The following TIGD5 variants were observed in gnomAD, a reference collection of about 807,000 sequenced individuals.
TIGD5 encodes tigger transposable element-derived protein 5.
A neutral mutation model predicts 28.8 loss-of-function variants in TIGD5; 24 were observed. The ratio of observed to expected loss-of-function variants is 0.83; its 90% CI spans 0.60 to 1.17. The LOEUF (loss-of-function observed/expected upper bound fraction) is 1.17. TIGD5 is among the 50% of genes most tolerant of loss of function. The pLI, the probability that TIGD5 is intolerant of heterozygous loss-of-function variation, is 0.00. For synonymous variants in TIGD5, 538 were observed against 430.5 expected (o/e 1.25, Z -3.09); for missense variants, 922 against 911.4 (o/e 1.01, Z -0.15).
rs544801757 is a variant in TIGD5 at position 143,602,225 on chromosome 8, C to T, written c.*2393C>T. ...AAGAGGGCTTAAAAAGCATCTTCTC[C>T]CTAGCACGGGGCATGCTGGCACAGG... is the stretch of plus-strand genomic sequence containing the variant. On this transcript the variant is annotated 3_prime_UTR_variant, in exon 1 of 1. Transcript: ENST00000504548. The T allele has an allele frequency of 6.8e-6, 1 of 147,728 alleles. No homozygotes were observed. Among genetic ancestry groups the T allele is most frequent in the Admixed American group, 6.8e-5 (1 of 14,682 alleles). The allele number at this position is 147,728 out of a possible 1,614,324, so 9.2% of individuals were successfully genotyped here. A position where few individuals can be genotyped will look rare whatever the true frequency, so the allele number is the denominator to read the frequency against.
Position 143,598,035 on chromosome 8 carries a change from C to G in TIGD5, c.132C>G (p.Pro44=). 2.2e-6 allele frequency: 3 copies of G among 1,333,630 alleles called. No homozygotes were observed. Among genetic ancestry groups the G allele is most frequent in the Non-Finnish European group, 2.9e-6 (3 of 1,044,110 alleles). The allele number at this position is 1,333,630 out of a possible 1,614,324, so 82.6% of individuals were successfully genotyped here. Residue 44 remains proline (P), a synonymous_variant, in exon 1 of 1, where the codon CCC becomes CCG. Transcript: ENST00000504548. The surrounding 1 kb of genome is among the most constrained non-coding windows in gnomAD (Gnocchi z 6.6). ...CGCCCCCCGCGCCCGGGCCGCGGCC[C>G]CGCGTGGCCGTGAAGATGGCCTTCC... is the stretch of plus-strand genomic sequence containing the variant. ...RPPPPAPGPR[P]RVAVKMAFRK...
Position 143,599,526 on chromosome 8 carries a change from G to A in TIGD5, c.1623G>A (p.Pro541=), listed in dbSNP as rs772823687. 3 of 1,582,754 alleles carry A rather than the reference G, an allele frequency of 1.9e-6. No individual in the cohort carries two copies. The highest frequency in any genetic ancestry group is 2.3e-5 in the South Asian group (2 of 87,298). ...EWLHLDDDGG[P]PEGCREEVGP... is the part of the protein sequence containing the mutation. ...TGCACCTGGACGATGATGGGGGTCC[G>A]CCCGAGGGCTGCAGGGAGGAGGTGG... The change falls in exon 1 of 1, where the codon CCG becomes CCA. Residue 541 remains proline, a synonymous_variant. Coordinates refer to ENST00000504548, the MANE Select transcript of TIGD5 (RefSeq NM_032862.5).
At position 143,598,980 on chromosome 8, in the gene TIGD5, C is replaced by A. The variant is rs757796094; in HGVS notation, c.1077C>A (p.His359Gln). The A allele has an allele frequency of 1.5e-4, 242 of 1,576,354 alleles. No individual in the cohort carries two copies. The highest frequency in any genetic ancestry group is 2.0e-4 in the Non-Finnish European group (233 of 1,169,876). ...LQQKAVLLVA[H>Q]PPCPSPAASM... ...AGAAGGCCGTGCTGCTGGTGGCCCA[C>A]CCGCCCTGCCCAAGCCCAGCTGCCA... is the stretch of plus-strand genomic sequence containing the variant. Residue 359 changes from histidine to glutamine, a missense_variant, in exon 1 of 1, where the codon CAC (histidine) becomes CAA (glutamine). Around this residue, in one of 3 missense-constraint regions of TIGD5, gnomAD observed 821 missense variants for 815.2 expected, o/e 1.01. Coordinates refer to ENST00000504548, the MANE Select transcript of TIGD5 (RefSeq NM_032862.5). This position sits in a 1 kb window ranked among gnomAD's most constrained non-coding sequence, Gnocchi z 6.6.
rs1829163894 is a variant in TIGD5, at chr8:143,598,714, C to T, written c.811C>T (p.Arg271Trp). 2.0e-6 allele frequency: 3 copies of T among 1,508,330 alleles called. No homozygotes were observed. Among genetic ancestry groups the T allele is most frequent in the African/African-American group, 1.4e-5 (1 of 70,786 alleles). 93.4% of individuals were successfully genotyped at this position (1,508,330 alleles called of 1,614,324 possible). A position where few individuals can be genotyped will look rare whatever the true frequency, so the allele number is the denominator to read the frequency against. ...GGCGGGGGGCTGTGGCCGGCGCTGG[C>T]GGGGCGACCGCGTAACGGTGCTGCT... ...PGAGGCGRRWRGDRVTVLLAA... is the reference protein window; with the variant it reads ...PGAGGCGRRWWGDRVTVLLAA... The change falls in exon 1 of 1, where the codon CGG becomes TGG. Residue 271 changes from arginine (R) to tryptophan (W), a missense_variant. Physicochemically the swap from Arg to Trp is moderately radical, Grantham distance 101. Transcript: ENST00000504548. This position sits in a 1 kb window ranked among gnomAD's most constrained non-coding sequence, Gnocchi z 6.6.
At position 143,599,834 on chromosome 8, in the gene TIGD5, C is replaced by T. The variant is rs111956838; in HGVS notation, c.*2C>T. The stretch of plus-strand genomic sequence containing the variant: ...GCAGGCCCCTATGACGGTGTGTGAC[C>T]AGGCCAGCCCAGTGACCTTTCTCCT... On this transcript the variant is annotated 3_prime_UTR_variant, in exon 1 of 1. Transcript: ENST00000504548. 0.017 allele frequency: 24,580 copies of T among 1,463,176 alleles called. 302 individuals are homozygous for T. Among genetic ancestry groups the T allele is most frequent in the Middle Eastern group, 0.043 (237 of 5,494 alleles). The allele number at this position is 1,463,176 out of a possible 1,614,324, so 90.6% of individuals were successfully genotyped here.
rs968724662 is a variant in TIGD5 at position 143,602,625 on chromosome 8, C to T, written c.*2793C>T. ...GCCGTGGCTGCCTGCGGGCTCTGGC[C>T]TCCGCTCTGGCAGATTCTGCACATT... On this transcript the variant is annotated 3_prime_UTR_variant, in exon 1 of 1. Transcript: ENST00000504548. 1 of 152,300 alleles carries T rather than the reference C, an allele frequency of 6.6e-6. No individual in the cohort carries two copies. The highest frequency in any genetic ancestry group is 1.5e-5 in the Non-Finnish European group (1 of 68,092). 9.4% of individuals were successfully genotyped at this position (152,300 alleles called of 1,614,324 possible). A position where few individuals can be genotyped will look rare whatever the true frequency, so the allele number is the denominator to read the frequency against.
Position 143,600,065 on chromosome 8 carries a change from G to A in TIGD5, c.*233G>A, listed in dbSNP as rs146036086. The A allele has an allele frequency of 1.8e-3, 790 of 432,014 alleles. 4 individuals carry two copies. The highest frequency in any genetic ancestry group is 0.015 in the African/African-American group (725 of 48,970). 26.8% of individuals were successfully genotyped at this position (432,014 alleles called of 1,614,324 possible). ...AGGCCTGGCCCATGCTCCTCTCAGGGCAGGCACATGTACGGGGCATACAAG... is the reference window on the plus strand; with the variant it reads ...AGGCCTGGCCCATGCTCCTCTCAGGACAGGCACATGTACGGGGCATACAAG... On this transcript the variant is annotated 3_prime_UTR_variant, in exon 1 of 1. Transcript: ENST00000504548.
In TIGD5 at chr8:143,599,014, G is replaced by A. The variant is rs1374281529; in HGVS notation, c.1111G>A (p.Ala371Thr). 6.6e-7 allele frequency: 1 copy of A among 1,519,500 alleles called. No individual in the cohort carries two copies. The highest frequency in any genetic ancestry group is 1.8e-5 in the Admixed American group (1 of 55,854). 94.1% of individuals were successfully genotyped at this position (1,519,500 alleles called of 1,614,324 possible). Residue 371 changes from alanine (A) to threonine (T), a missense_variant, in exon 1 of 1, where the codon GCC becomes ACC. By Grantham distance (58) the Ala-to-Thr change is moderately conservative. Coordinates refer to ENST00000504548, the MANE Select transcript of TIGD5 (RefSeq NM_032862.5). The part of the protein sequence containing the change: ...PCPSPAASMP[A>T]LDSEDAPVRC... ...CCCAAGCCCAGCTGCCAGTATGCCC[G>A]CCCTGGACAGCGAGGATGCCCCCGT...
chr8:143,598,596 C>T lies in TIGD5; in HGVS notation c.693C>T (p.Tyr231=), dbSNP rs1182712448. The change falls in exon 1 of 1, where the codon TAC becomes TAT. Residue 231 remains tyrosine, a synonymous_variant. Transcript: ENST00000504548. The surrounding 1 kb of genome is among the most constrained non-coding windows in gnomAD (Gnocchi z 6.6). ...CGCCGCCCCCGGCCGAGGGCGGCTA[C>T]GGGGACGAGCAGATTTACAGCGCCA... The part of the protein sequence containing the change: ...PAPPPPAEGG[Y]GDEQIYSASV... 6 of 1,393,944 alleles carry T rather than the reference C, an allele frequency of 4.3e-6. No homozygotes were observed. Among genetic ancestry groups the T allele is most frequent in the Admixed American group, 3.6e-5 (1 of 27,788 alleles). The allele number at this position is 1,393,944 out of a possible 1,614,324, so 86.3% of individuals were successfully genotyped here.
In TIGD5 at chr8:143,599,511, C is replaced by A; in HGVS notation, c.1608C>A (p.Asp536Glu). Residue 536 changes from aspartate (D) to glutamate (E), a missense_variant, in exon 1 of 1, where the codon GAC (aspartate) becomes GAA (glutamate). Asp to Glu is a conservative substitution (Grantham distance 45, BLOSUM62 2). Around this residue, in one of 3 missense-constraint regions of TIGD5, gnomAD observed 821 missense variants for 815.2 expected, o/e 1.01. Coordinates refer to ENST00000504548, the MANE Select transcript of TIGD5 (RefSeq NM_032862.5). Reference protein sequence around the residue: ...PEEVAEWLHLDDDGGPPEGCR... With the variant: ...PEEVAEWLHLEDDGGPPEGCR... ...AGGTTGCGGAGTGGCTGCACCTGGA[C>A]GATGATGGGGGTCCGCCCGAGGGCT... The A allele has an allele frequency of 6.3e-7, 1 of 1,590,534 alleles. No individual in the cohort carries two copies. The highest frequency in any genetic ancestry group is 8.6e-7 in the Non-Finnish European group (1 of 1,169,556).
In TIGD5 at chr8:143,601,355, C is replaced by G. The variant is rs1173238252; in HGVS notation, c.*1523C>G. The G allele has an allele frequency of 6.6e-6, 1 of 152,280 alleles. No individual in the cohort carries two copies. Among genetic ancestry groups the G allele is most frequent in the African/African-American group, 2.4e-5 (1 of 41,480 alleles). The allele number at this position is 152,280 out of a possible 1,614,324, so 9.4% of individuals were successfully genotyped here. A position where few individuals can be genotyped will look rare whatever the true frequency, so the allele number is the denominator to read the frequency against. On this transcript the variant is annotated 3_prime_UTR_variant, in exon 1 of 1. Transcript: ENST00000504548. ...AGGCATGCCTGCTGAGCCCATCAGGCCACCGCCACCTGCAGGAAGAGCCTC... is the reference window on the plus strand; with the variant it reads ...AGGCATGCCTGCTGAGCCCATCAGGGCACCGCCACCTGCAGGAAGAGCCTC...
rs1286908920 is a variant in TIGD5 at position 143,598,314 on chromosome 8, G to T, written c.411G>T (p.Gln137His). The change falls in exon 1 of 1, where the codon CAG becomes CAT. Residue 137 changes from glutamine (Q) to histidine (H), a missense_variant. Physicochemically the swap from Gln to His is conservative, Grantham distance 24 (BLOSUM62 0). This residue lies in a region of TIGD5 where 821 missense variants were observed against 815.2 expected (regional missense o/e 1.01). Coordinates refer to ENST00000504548, the MANE Select transcript of TIGD5 (RefSeq NM_032862.5). This position sits in a 1 kb window ranked among gnomAD's most constrained non-coding sequence, Gnocchi z 6.6. ...ACGCCTGGTTCCTGGCGCTGCGCCA[G>T]CACGGGGTGCCGCTGTCTGGCCCGC... The part of the protein sequence containing the change: ...AVYAWFLALR[Q>H]HGVPLSGPLI... 14 of 1,608,378 alleles carry T rather than the reference G, an allele frequency of 8.7e-6. No homozygotes were observed. The highest frequency in any genetic ancestry group is 1.2e-5 in the Non-Finnish European group (14 of 1,178,426).
Position 143,599,026 on chromosome 8 carries a change from G to T in TIGD5, c.1123G>T (p.Glu375Ter). The T allele has an allele frequency of 6.4e-7, 1 of 1,572,664 alleles. No homozygotes were observed. The highest frequency in any genetic ancestry group is 8.6e-7 in the Non-Finnish European group (1 of 1,166,306). ...PAASMPALDS[E>*]DAPVRCRPEP... is the part of the protein sequence containing the mutation. ...TGCCAGTATGCCCGCCCTGGACAGC[G>T]AGGATGCCCCCGTGCGGTGCAGGCC... The change falls in exon 1 of 1, where the codon GAG becomes TAG. Residue 375 changes from glutamate to a stop codon, truncating the protein, a stop_gained. Coordinates refer to ENST00000504548, the MANE Select transcript of TIGD5 (RefSeq NM_032862.5). LOFTEE classifies it high-confidence loss of function.
rs1554674270 is a variant in TIGD5, at chr8:143,597,887, T to TTC, written c.-17_-16insTC. 6 of 787,632 alleles carry TTC rather than the reference T, an allele frequency of 7.6e-6. No homozygotes were observed. Among genetic ancestry groups the TTC allele is most frequent in the Admixed American group, 7.0e-5 (1 of 14,208 alleles). The allele number at this position is 787,632 out of a possible 1,614,324, so 48.8% of individuals were successfully genotyped here. A position where few individuals can be genotyped will look rare whatever the true frequency, so the allele number is the denominator to read the frequency against. On this transcript the variant is annotated 5_prime_UTR_variant, in exon 1 of 1. Coordinates refer to ENST00000504548, the MANE Select transcript of TIGD5 (RefSeq NM_032862.5). ...GCTCCCGCGACCCGCGCGGCCCGGG[T>TTC]CCCCCCCGCCGCAGCCATGTACCCC...
chr8:143,597,965 G>A lies in TIGD5; in HGVS notation c.62G>A (p.Gly21Glu). Residue 21 changes from glycine to glutamate, a missense_variant, in exon 1 of 1, where the codon GGG becomes GAG. By Grantham distance (98) the Gly-to-Glu change is moderately conservative. This residue lies in a region of TIGD5 where 87 missense variants were observed against 60.9 expected (regional missense o/e 1.43). Coordinates refer to ENST00000504548, the MANE Select transcript of TIGD5 (RefSeq NM_032862.5). Reference sequence around the variant, plus strand: ...CGCCGCGGCCGCCGTCCCCTGCCCGGGCCCCCCGCGCCCGCCCCAGCCCCC... The same window carrying A: ...CGCCGCGGCCGCCGTCCCCTGCCCGAGCCCCCCGCGCCCGCCCCAGCCCCC... ...VPRRGRRPLP[G>E]PPAPAPAPVP... 1 of 899,506 alleles carries A rather than the reference G, an allele frequency of 1.1e-6. No individual in the cohort carries two copies. The highest frequency in any genetic ancestry group is 1.3e-6 in the Non-Finnish European group (1 of 752,780). The allele number at this position is 899,506 out of a possible 1,614,324, so 55.7% of individuals were successfully genotyped here. A position where few individuals can be genotyped will look rare whatever the true frequency, so the allele number is the denominator to read the frequency against.
At position 143,601,177 on chromosome 8, in the gene TIGD5, GAACA is replaced by G. The variant is rs1829253400; in HGVS notation, c.*1350_*1353del. 1.3e-5 allele frequency: 2 copies of G among 152,168 alleles called. No individual in the cohort carries two copies. The highest frequency in any genetic ancestry group is 2.4e-5 in the African/African-American group (1 of 41,430). The allele number at this position is 152,168 out of a possible 1,614,324, so 9.4% of individuals were successfully genotyped here. A position where few individuals can be genotyped will look rare whatever the true frequency, so the allele number is the denominator to read the frequency against. The stretch of plus-strand genomic sequence containing the variant: ...AAAAGTGACCTTTATACAGGTCCAG[GAACA>G]AACAGTTCCTTGGAACTGCCCGCAA... On this transcript the variant is annotated 3_prime_UTR_variant, in exon 1 of 1. Transcript: ENST00000504548.
Position 143,599,978 on chromosome 8 carries a change from G to A in TIGD5, c.*146G>A, listed in dbSNP as rs936633458. On this transcript the variant is annotated 3_prime_UTR_variant, in exon 1 of 1. Transcript: ENST00000504548. ...GAATCCAAATCCAGCATGGCTTGGA[G>A]GAGCTCTGTTGGTGAGAGGTCGCCC... 18 of 955,898 alleles carry A rather than the reference G, an allele frequency of 1.9e-5. No homozygotes were observed. The highest frequency in any genetic ancestry group is 2.5e-5 in the Non-Finnish European group (18 of 715,318). 59.2% of individuals were successfully genotyped at this position (955,898 alleles called of 1,614,324 possible).
Position 143,599,143 on chromosome 8 carries a change from C to A in TIGD5, c.1240C>A (p.Pro414Thr). 1.3e-6 allele frequency: 2 copies of A among 1,599,674 alleles called. No homozygotes were observed. The highest frequency in any genetic ancestry group is 1.7e-6 in the Non-Finnish European group (2 of 1,174,208). ...LSKGSSRAHI[P>T]APLEQGVVAA... ...CAAAGGCAGCAGCCGGGCACATATC[C>A]CCGCACCGCTGGAGCAGGGCGTGGT... The change falls in exon 1 of 1, where the codon CCC (proline) becomes ACC (threonine). Residue 414 changes from proline (P) to threonine (T), a missense_variant. Coordinates refer to ENST00000504548, the MANE Select transcript of TIGD5 (RefSeq NM_032862.5).
At position 143,603,007 on chromosome 8, in the gene TIGD5, C is replaced by CGG. The variant is rs967841544; in HGVS notation, c.*3181_*3182dup. The CGG allele has an allele frequency of 6.6e-6, 1 of 152,204 alleles. No homozygotes were observed. The highest frequency in any genetic ancestry group is 1.5e-5 in the Non-Finnish European group (1 of 68,060). The allele number at this position is 152,204 out of a possible 1,614,324, so 9.4% of individuals were successfully genotyped here. On this transcript the variant is annotated 3_prime_UTR_variant, in exon 1 of 1. Transcript: ENST00000504548. ...GGAAAGGAAGGGGAGCACCCCCAGACGGGGGGGTCCTGCAGAGACCCCAAC... is the reference window on the plus strand; with the variant it reads ...GGAAAGGAAGGGGAGCACCCCCAGACGGGGGGGGGTCCTGCAGAGACCCCAAC...
Sources: allele counts gnomAD v4.1 joint callset, GRCh38; gene constraint gnomAD v4.1.1; regional missense constraint gnomAD v4.1.1; non-coding constraint Gnocchi (gnomAD v3.1); transcripts MANE v1.5; gene names NCBI Gene and HGNC (gene_info 2026-07-23, HGNC 2026-07-21).